The following SLC24A4 variants were observed in gnomAD, a reference collection of about 807,000 sequenced individuals.
SLC24A4 encodes solute carrier family 24 member 4.
SLC24A4 carries 53 observed loss-of-function variants against 79.0 expected under a neutral mutation model. That is an observed-to-expected ratio of 0.67 (90% CI 0.54 to 0.84). The LOEUF (loss-of-function observed/expected upper bound fraction) is 0.84. Among genes scored for constraint, SLC24A4 ranks in the 40% least tolerant of loss-of-function variants. SLC24A4 has a pLI of 0.00. For missense variants in SLC24A4, 731 were observed against 822.0 expected, an observed-to-expected ratio of 0.89 and a Z score of 1.35; for synonymous variants, 323 against 323.8, an observed-to-expected ratio of 1.00 and a Z score of 0.03.
At chr14:92,386,028 G>A (rs1889138166) in intron 2 of SLC24A4, among the ~76,000 whole-genome samples, 1 of 152,182 alleles carries the variant, frequency 6.6e-6, no homozygotes, top group East Asian at 1.9e-4. Flanking sequence ...CCCCTGGCAG[G>A]GAGCTGGGTC....
chr14:92,357,972 C>T (rs1052123016), intron 2 of SLC24A4, among the ~76,000 whole-genome samples: 1 of 152,172 alleles, frequency 6.6e-6, no homozygotes, highest in Non-Finnish European at 1.5e-5. Flanking sequence ...AGACAGAACT[C>T]CTTGAAGCAC....
chr14:92,371,519 G>A (rs1888152867), intron 2 of SLC24A4, among the ~76,000 whole-genome samples: 1 of 152,118 alleles, frequency 6.6e-6, no homozygotes, highest in Non-Finnish European at 1.5e-5. Flanking sequence ...TATACAGATG[G>A]CACACCTGGT....
chr14:92,426,029 G>A (rs1891546735), intron 2 of SLC24A4, among the ~76,000 whole-genome samples: 1 of 152,044 alleles, frequency 6.6e-6, no homozygotes, highest in South Asian at 2.1e-4. Context: ...TAAATGGAGG[G>A]TTAAGTGACT....
At chr14:92,465,730 C>T (rs1894069669) in intron 12 of SLC24A4, among the ~76,000 whole-genome samples, 1 of 152,062 alleles carries the variant, frequency 6.6e-6, no homozygotes, top group Non-Finnish European at 1.5e-5. Context: ...AAGGCTGCCT[C>T]CCCTAGGAAG....
chr14:92,395,090 G>A (rs1227548786), intron 2 of SLC24A4, among the ~76,000 whole-genome samples: 1 of 152,168 alleles, frequency 6.6e-6, no homozygotes, highest in Non-Finnish European at 1.5e-5. Flanking sequence ...GACGGATAAG[G>A]GACTTGGCTC....
chr14:92,336,653 C>T (rs1362664914), intron 2 of SLC24A4, among the ~76,000 whole-genome samples: 1 of 152,230 alleles, frequency 6.6e-6, no homozygotes, highest in Non-Finnish European at 1.5e-5. Flanking sequence ...CACCCAGTCC[C>T]TGCTGTCAGT....
chr14:92,379,467 G>A (rs1204139568), intron 2 of SLC24A4, among the ~76,000 whole-genome samples: 2 of 152,144 alleles, frequency 1.3e-5, no homozygotes, highest in Non-Finnish European at 2.9e-5. Context: ...AGGGGCTGCT[G>A]GAATAATCTA....
At chr14:92,335,065 C>T (rs1885704464) in intron 2 of SLC24A4, among the ~76,000 whole-genome samples, 1 of 152,154 alleles carries the variant, frequency 6.6e-6, no homozygotes, top group Admixed American at 6.5e-5. Flanking sequence ...CAAACTAGTC[C>T]AAGTCACGCG....
At chr14:92,416,721 A>G (rs1891002685) in intron 2 of SLC24A4, among the ~76,000 whole-genome samples, 1 of 152,216 alleles carries the variant, frequency 6.6e-6, no homozygotes, top group Admixed American at 6.5e-5. Flanking sequence ...AAACTAAGGA[A>G]CGATGTAATT....
At chr14:92,421,502 C>T (rs933817915) in intron 2 of SLC24A4, among the ~76,000 whole-genome samples, 10 of 151,558 alleles carry the variant, frequency 6.6e-5, no homozygotes, top group South Asian at 4.2e-4. Context: ...TCATACACCA[C>T]GATTTTTTTG....
intron 2 of SLC24A4, among the ~76,000 whole-genome samples, chr14:92,400,281 A>T (rs1239536346): frequency 6.6e-6 from 1 of 152,046 alleles, no homozygotes; most frequent in Non-Finnish European, 1.5e-5. Flanking sequence ...TCTACTAAAA[A>T]TACAAAAACT....
intron 2 of SLC24A4, among the ~76,000 whole-genome samples, chr14:92,432,110 C>T (rs1464393800): frequency 6.6e-6 from 1 of 152,160 alleles, no homozygotes; most frequent in Non-Finnish European, 1.5e-5. Context: ...CAGCCGGGAA[C>T]TCTGCCAGTG....
chr14:92,465,267 G>A (rs1168352870), intron 12 of SLC24A4, among the ~76,000 whole-genome samples: 2 of 152,326 alleles, frequency 1.3e-5, no homozygotes, highest in South Asian at 2.1e-4. Context: ...CACGGGTGAG[G>A]ACATGGAGGC....
intron 2 of SLC24A4, among the ~76,000 whole-genome samples, chr14:92,379,551 C>T (rs1888710683): frequency 6.6e-6 from 1 of 152,042 alleles, no homozygotes; most frequent in Admixed American, 6.5e-5. Context: ...CAGGAAGCGC[C>T]CCTGCCCCCT....
chr14:92,463,563 C>A (rs894967437), intron 12 of SLC24A4, among the ~76,000 whole-genome samples: 1 of 152,178 alleles, frequency 6.6e-6, no homozygotes, highest in Non-Finnish European at 1.5e-5. Flanking sequence ...TTTAAAGGAG[C>A]TTCCTTTTCA....
intron 13 of SLC24A4, chr14:92,484,171 C>A: frequency 1.0e-6 from 1 of 985,368 alleles, no homozygotes; most frequent in South Asian, 4.7e-5. Context: ...CCCAATCACG[C>A]CTTCCCCCAT....
intron 16 of SLC24A4, 72 bp downstream of exon 16, chr14:92,492,312 C>A (rs779210362): frequency 5.6e-6 from 8 of 1,432,884 alleles, no homozygotes; most frequent in Non-Finnish European, 7.9e-6. Context: ...TCGTCACTTA[C>A]GTGACTCTGT....
chr14:92,448,971 G>A, intron 9 of SLC24A4, 103 bp from the exon 10 acceptor site: 1 of 1,422,606 alleles, frequency 7.0e-7, no homozygotes, highest in East Asian at 2.3e-5. Flanking sequence ...CACCACTCCT[G>A]GGCTGTGCTG....
chr14:92,381,286 A>G (rs868821069), intron 2 of SLC24A4, among the ~76,000 whole-genome samples: 1 of 152,212 alleles, frequency 6.6e-6, no homozygotes, highest in Admixed American at 6.5e-5. Flanking sequence ...TTGCAGGGAC[A>G]TGGATGAAGC....
Sources: gnomAD v4.1 joint callset for allele counts (sites outside exome capture counted in the v4.1 genomes callset) on GRCh38, gnomAD v4.1.1 for gene constraint, MANE v1.5 for transcripts, NCBI Gene and HGNC (gene_info 2026-07-23, HGNC 2026-07-21) for gene names.